CSMD1: variants seen among roughly 807,000 people sequenced by gnomAD.
CSMD1 encodes the protein CUB and sushi domain-containing protein 1.
Under a neutral mutation model 417.5 loss-of-function variants are expected in CSMD1, and 213 were observed. That is an observed-to-expected ratio of 0.51 (90% CI 0.46 to 0.57). CSMD1 has a LOEUF of 0.57. Among genes scored for constraint, CSMD1 ranks in the 20% least tolerant of loss-of-function variants. The pLI, the probability that CSMD1 is intolerant of heterozygous loss-of-function variation, is 0.00. For synonymous variants in CSMD1, 2,862 were observed against 1,736.8 expected, an observed-to-expected ratio of 1.65 and a Z score of -16.11; for missense variants, 6,923 against 4,529.7, an observed-to-expected ratio of 1.53 and a Z score of -15.17.
At chr8:4,054,900 T>C (rs1013456179) in intron 3 of CSMD1, among the ~76,000 whole-genome samples, 1 of 152,146 alleles carries the variant, frequency 6.6e-6, no homozygotes, top group African/African-American at 2.4e-5. Context: ...CGTCTGCCTG[T>C]GCCCTGAGCT....
At chr8:3,758,605 G>C (rs1161663594) in intron 5 of CSMD1, among the ~76,000 whole-genome samples, 1 of 152,152 alleles carries the variant, frequency 6.6e-6, no homozygotes, top group African/African-American at 2.4e-5. Context: ...AAAGGAAGAT[G>C]ATTACTGTAC....
chr8:4,131,020 C>T (rs1042568713), intron 3 of CSMD1, among the ~76,000 whole-genome samples: 1 of 152,110 alleles, frequency 6.6e-6, no homozygotes, highest in Non-Finnish European at 1.5e-5. Context: ...GCATTAATGA[C>T]TCCACTGGCT....
At chr8:4,897,927 GATTCTAAA>G (rs1268660839) in intron 1 of CSMD1, among the ~76,000 whole-genome samples, 1 of 152,050 alleles carries the variant, frequency 6.6e-6, no homozygotes, top group Non-Finnish European at 1.5e-5. Context: ...GGGGACATTA[GATTCTAAA>G]CATAAGTCTA....
intron 6 of CSMD1, among the ~76,000 whole-genome samples, chr8:3,745,963 G>C (rs538003441): frequency 1.3e-5 from 2 of 152,206 alleles, no homozygotes; most frequent in Admixed American, 1.3e-4. Context: ...TGACCAGTTG[G>C]TCAATGTAAA....
At chr8:3,637,440 C>G (rs981807585) in intron 7 of CSMD1, among the ~76,000 whole-genome samples, 2 of 152,164 alleles carry the variant, frequency 1.3e-5, no homozygotes, top group African/African-American at 4.8e-5. Flanking sequence ...AATCTATTTT[C>G]TAACATTTGA....
chr8:3,889,243 T>C (rs1806778007), intron 5 of CSMD1, among the ~76,000 whole-genome samples: 2 of 151,590 alleles, frequency 1.3e-5, no homozygotes, highest in South Asian at 4.2e-4. Flanking sequence ...TAATGATAAA[T>C]TAAAGAGAGA....
At chr8:4,310,443 A>G (rs550042738) in intron 3 of CSMD1, among the ~76,000 whole-genome samples, 1 of 152,312 alleles carries the variant, frequency 6.6e-6, no homozygotes, top group Non-Finnish European at 1.5e-5. Flanking sequence ...AATTGTGCAG[A>G]AGTAGGAAGG....
At chr8:3,408,275 A>C in intron 13 of CSMD1, 50 bp from the exon 14 acceptor site, 1 of 1,417,746 alleles carries the variant, frequency 7.1e-7, no homozygotes, top group Non-Finnish European at 9.6e-7. Context: ...TATCCAAAGA[A>C]TTGCCATGTG....
rs768649653 is a variant in CSMD1, at chr8:3,219,325, T to C, written c.4602A>G (p.Gly1534=). 1.4e-5 allele frequency: 22 copies of C among 1,586,296 alleles called. No homozygotes were observed. Among genetic ancestry groups the C allele is most frequent in the Non-Finnish European group, 1.6e-5 (19 of 1,165,260 alleles). The change falls in exon 29 of 70, where the codon GGA becomes GGG. Residue 1534 remains glycine (G), a synonymous_variant. Transcript: ENST00000635120. ...TCCGAAATGCCAGAAACAGGCTGTT[T>C]CCGCTACTCTCTATTCTTTCTGGGG... ...SQAPERIESS[G]NSLFLAFRSD...
At chr8:3,926,216 G>C (rs959510194) in intron 5 of CSMD1, among the ~76,000 whole-genome samples, 1 of 152,008 alleles carries the variant, frequency 6.6e-6, no homozygotes, top group African/African-American at 2.4e-5. Context: ...AATAACGTAT[G>C]TTGATTTATT....
At chr8:3,491,898 G>C (rs1532580) in intron 11 of CSMD1, among the ~76,000 whole-genome samples, 2 of 152,012 alleles carry the variant, frequency 1.3e-5, no homozygotes, top group Admixed American at 6.5e-5. Context: ...GAGACAGAAT[G>C]AGAGTTTAAA....
At chr8:3,003,814 T>C (rs1807638622) in intron 52 of CSMD1, among the ~76,000 whole-genome samples, 1 of 152,116 alleles carries the variant, frequency 6.6e-6, no homozygotes, top group South Asian at 2.1e-4. Flanking sequence ...GATGAGCGCT[T>C]GTTAGCCAGG....
At chr8:4,489,618 C>A (rs1192550161) in intron 2 of CSMD1, among the ~76,000 whole-genome samples, 1 of 152,116 alleles carries the variant, frequency 6.6e-6, no homozygotes, top group African/African-American at 2.4e-5. Context: ...GTGGCATGGC[C>A]TGTGACTTGC....
At chr8:3,201,331 G>C (rs1288384814) in intron 32 of CSMD1, among the ~76,000 whole-genome samples, 1 of 152,078 alleles carries the variant, frequency 6.6e-6, no homozygotes, top group Non-Finnish European at 1.5e-5. Flanking sequence ...GATGATAGTT[G>C]ATTATCCCAC....
intron 37 of CSMD1, among the ~76,000 whole-genome samples, chr8:3,171,583 T>A (rs1820587362): frequency 6.6e-6 from 1 of 152,144 alleles, no homozygotes; most frequent in African/African-American, 2.4e-5. Flanking sequence ...CATGAAACAT[T>A]TGCAAGACCT....
intron 5 of CSMD1, among the ~76,000 whole-genome samples, chr8:3,760,441 G>C (rs531464786): frequency 1.3e-5 from 2 of 152,242 alleles, no homozygotes; most frequent in South Asian, 2.1e-4. Flanking sequence ...AGGCCAGTCT[G>C]TTTCATTTTC....
chr8:4,659,867 T>C (rs1179087012), intron 1 of CSMD1, among the ~76,000 whole-genome samples: 1 of 151,874 alleles, frequency 6.6e-6, no homozygotes, highest in Non-Finnish European at 1.5e-5. Flanking sequence ...AAAAATCAAA[T>C]AAATCATAAA....
At chr8:3,307,927 A>AG in intron 24 of CSMD1, 106 bp from the exon 25 acceptor site, 1 of 1,233,702 alleles carries the variant, frequency 8.1e-7, no homozygotes, top group South Asian at 1.6e-5. Flanking sequence ...ATATACATAG[A>AG]GAAAAAGAAT....
intron 5 of CSMD1, among the ~76,000 whole-genome samples, chr8:3,806,442 T>C (rs887130208): frequency 6.6e-6 from 1 of 152,158 alleles, no homozygotes; most frequent in Non-Finnish European, 1.5e-5. Context: ...ATGGCCTGAA[T>C]AATGAAGGCA....
Sources: gnomAD v4.1 joint callset for allele counts (sites outside exome capture counted in the v4.1 genomes callset) on GRCh38, gnomAD v4.1.1 for gene constraint, MANE v1.5 for transcripts, NCBI Gene and HGNC (gene_info 2026-07-23, HGNC 2026-07-21) for gene names.